The following MAPKAP1 variants were observed in gnomAD, a reference collection of about 807,000 sequenced individuals.
MAPKAP1 encodes MAPK associated protein 1.
Under a neutral mutation model 65.7 loss-of-function variants are expected in MAPKAP1, and 20 were observed. The observed-to-expected ratio is 0.30, with a 90% CI of 0.21 to 0.44. The LOEUF (loss-of-function observed/expected upper bound fraction) is 0.44, where lower values mean the gene tolerates loss of function less well. Ranked by LOEUF, MAPKAP1 falls within the 20% of genes least tolerant of loss-of-function variation. The pLI is 1.00. For synonymous variants in MAPKAP1, 222 were observed against 244.3 expected, an observed-to-expected ratio of 0.91 and a Z score of 0.85; for missense variants, 423 against 648.0, an observed-to-expected ratio of 0.65 and a Z score of 3.77.
intron 5 of MAPKAP1, among the ~76,000 whole-genome samples, chr9:125,577,995 G>A (rs975655158): frequency 6.6e-5 from 10 of 152,084 alleles, no homozygotes; most frequent in Admixed American, 5.2e-4. Context: ...AGAAAGGGGG[G>A]AAAGGTGGGG....
intron 1 of MAPKAP1, among the ~76,000 whole-genome samples, chr9:125,702,810 C>A (rs765957326): frequency 3.9e-4 from 59 of 151,996 alleles, no homozygotes; most frequent in Non-Finnish European, 7.9e-4. Flanking sequence ...CAAGGTCATG[C>A]CACTGCACTC....
intron 1 of MAPKAP1, among the ~76,000 whole-genome samples, chr9:125,701,605 G>A (rs147953823): frequency 3.3e-5 from 5 of 152,258 alleles, no homozygotes; most frequent in African/African-American, 9.6e-5. Flanking sequence ...ACTGGGTGCC[G>A]ATTTCTTCAT....
In MAPKAP1 at chr9:125,439,109, G is replaced by GGGTGCCTCAGGGCCA; in HGVS notation, c.1444-112_1444-98dup. On this transcript the variant is annotated intron_variant, in intron 11 of 11. Transcript: ENST00000265960. This position sits in a 1 kb window ranked among gnomAD's most constrained non-coding sequence, Gnocchi z 4.0. ...GGCAGGGAAGGCCCTGACCTGGGCC[G>GGGTGCCTCAGGGCCA]GGTGCCTCAGGGCCAGGTGCTGTCG... 2 of 1,405,092 alleles carry GGGTGCCTCAGGGCCA rather than the reference G, an allele frequency of 1.4e-6. No individual in the cohort carries two copies. The highest frequency in any genetic ancestry group is 2.6e-5 in the South Asian group (2 of 76,238). The allele number at this position is 1,405,092 out of a possible 1,614,324, so 87.0% of individuals were successfully genotyped here. A position where few individuals can be genotyped will look rare whatever the true frequency, so the allele number is the denominator to read the frequency against.
intron 2 of MAPKAP1, among the ~76,000 whole-genome samples, chr9:125,671,358 T>A (rs959328502): frequency 1.3e-4 from 20 of 152,248 alleles, no homozygotes; most frequent in African/African-American, 4.8e-4. Flanking sequence ...CAGTAAATTG[T>A]ATCCAGCTCT....
At chr9:125,687,947 C>T (rs149564494) in intron 1 of MAPKAP1, among the ~76,000 whole-genome samples, 87 of 152,330 alleles carry the variant, frequency 5.7e-4, no homozygotes, top group African/African-American at 1.9e-3. Flanking sequence ...GAACAAAAGA[C>T]AGCAACAACA....
intron 8 of MAPKAP1, among the ~76,000 whole-genome samples, chr9:125,496,336 T>C (rs927697464): frequency 3.3e-5 from 5 of 152,210 alleles, no homozygotes; most frequent in East Asian, 1.9e-4. Context: ...GAAAATTCCT[T>C]ACAGTGAACA....
chr9:125,505,334 A>T (rs1829106599), intron 8 of MAPKAP1, among the ~76,000 whole-genome samples: 2 of 152,156 alleles, frequency 1.3e-5, no homozygotes, highest in Admixed American at 1.3e-4. Flanking sequence ...CTGAGGCAGG[A>T]GAATCGCTTG....
intron 4 of MAPKAP1, among the ~76,000 whole-genome samples, chr9:125,593,927 C>T (rs1832046823): frequency 6.6e-6 from 1 of 152,174 alleles, no homozygotes; most frequent in Admixed American, 6.5e-5. Context: ...ATATCCAACA[C>T]CAATTTTCTT....
intron 1 of MAPKAP1, among the ~76,000 whole-genome samples, chr9:125,693,253 A>C (rs576336301): frequency 6.6e-6 from 1 of 152,102 alleles, no homozygotes. Context: ...TCTCTACTAA[A>C]AATACAAAAA....
At chr9:125,463,399 T>C (rs1589214176) in intron 10 of MAPKAP1, among the ~76,000 whole-genome samples, 1 of 152,240 alleles carries the variant, frequency 6.6e-6, no homozygotes, top group Admixed American at 6.5e-5. Flanking sequence ...TGTGGACAAA[T>C]CATTATTCAG....
chr9:125,600,729 C>T (rs1433791868), intron 4 of MAPKAP1, among the ~76,000 whole-genome samples: 1 of 152,166 alleles, frequency 6.6e-6, no homozygotes, highest in Non-Finnish European at 1.5e-5. Context: ...GGGACAGTTA[C>T]AGCATGTATC....
At chr9:125,637,446 A>T (rs1833457417) in intron 4 of MAPKAP1, among the ~76,000 whole-genome samples, 1 of 152,194 alleles carries the variant, frequency 6.6e-6, no homozygotes, top group Non-Finnish European at 1.5e-5. Context: ...AAAAAATTAG[A>T]AATCACTTGT....
At chr9:125,452,393 C>G (rs1852989744) in intron 10 of MAPKAP1, among the ~76,000 whole-genome samples, 1 of 152,150 alleles carries the variant, frequency 6.6e-6, no homozygotes, top group Non-Finnish European at 1.5e-5. Flanking sequence ...GCCACTACGC[C>G]TGGCCAGGAG....
intron 1 of MAPKAP1, among the ~76,000 whole-genome samples, chr9:125,680,960 T>C (rs942439338): frequency 2.6e-5 from 4 of 152,222 alleles, no homozygotes; most frequent in African/African-American, 7.2e-5. Context: ...ACAGTAACAG[T>C]TGACATTTAC....
chr9:125,457,108 C>T (rs1853201440), intron 10 of MAPKAP1, among the ~76,000 whole-genome samples: 1 of 151,878 alleles, frequency 6.6e-6, no homozygotes, highest in South Asian at 2.1e-4. Flanking sequence ...CCTGCCTCAG[C>T]CTCATGAGTA....
intron 8 of MAPKAP1, among the ~76,000 whole-genome samples, chr9:125,502,462 T>C (rs1829012424): frequency 6.6e-6 from 1 of 152,194 alleles, no homozygotes; most frequent in East Asian, 1.9e-4. Context: ...CAAATACCAT[T>C]TTAGTTATAT....
intron 4 of MAPKAP1, among the ~76,000 whole-genome samples, chr9:125,641,925 G>A (rs901664070): frequency 5.3e-5 from 8 of 151,020 alleles, no homozygotes; most frequent in African/African-American, 2.0e-4. Flanking sequence ...CAAGCTACTC[G>A]GGAGGCTGAG....
chr9:125,697,072 T>A (rs1443564175), intron 1 of MAPKAP1, among the ~76,000 whole-genome samples: 2 of 152,206 alleles, frequency 1.3e-5, no homozygotes, highest in African/African-American at 4.8e-5. Context: ...GGGATAATGA[T>A]ACCACCAATA....
chr9:125,455,262 C>T (rs1853121695), intron 10 of MAPKAP1, among the ~76,000 whole-genome samples: 1 of 152,102 alleles, frequency 6.6e-6, no homozygotes, highest in East Asian at 1.9e-4. Context: ...AAAAAGTCGT[C>T]CAACAATGTT....
Sources: allele counts gnomAD v4.1 joint callset (sites outside exome capture counted in the v4.1 genomes callset), GRCh38; gene constraint gnomAD v4.1.1; non-coding constraint Gnocchi (gnomAD v3.1); transcripts MANE v1.5; gene names NCBI Gene and HGNC (gene_info 2026-07-23, HGNC 2026-07-21).